Variants in CDH18 observed in about 807,000 individuals in gnomAD.
CDH18 encodes cadherin 18.
Under a neutral mutation model 67.9 loss-of-function variants are expected in CDH18, and 31 were observed. The observed-to-expected ratio is 0.46, with a 90% CI of 0.34 to 0.62. The LOEUF is 0.62. CDH18 is among the 20% of genes least tolerant of loss of function. The pLI is 0.01. For missense variants in CDH18, 890 were observed against 975.5 expected (o/e 0.91, Z 1.17); for synonymous variants, 362 against 347.2 (o/e 1.04, Z -0.48).
chr5:20,082,003 G>A (rs908701727), intron 2 of CDH18, among the ~76,000 whole-genome samples: 6 of 152,068 alleles, frequency 3.9e-5, no homozygotes, highest in Non-Finnish European at 7.4e-5. Context: ...TAAATCACTT[G>A]GTGATCTATA....
chr5:19,995,485 C>T lies in CDH18; in HGVS notation c.-517-3471G>A, dbSNP rs914209770. ...TTGGAAGACATAGAGTCAAGCCATA[C>T]GTTGACCACTCATATTAAATATAGA... On this transcript the variant is annotated intron_variant, in intron 2 of 14. Transcript: ENST00000507958. Among the ~76,000 whole-genome samples the T allele has an allele frequency of 4.0e-5, 6 of 151,560 alleles. No homozygotes were observed. In the East Asian group the frequency reaches 5.8e-4, roughly 15 times the overall value.
chr5:19,510,540 A>C (rs1744947971), intron 10 of CDH18, among the ~76,000 whole-genome samples: 1 of 152,214 alleles, frequency 6.6e-6, no homozygotes. Context: ...TAGTGTTTTA[A>C]AGTGCAAAAA....
chr5:19,907,290 C>T (rs1342143357), intron 2 of CDH18, among the ~76,000 whole-genome samples: 2 of 151,694 alleles, frequency 1.3e-5, no homozygotes, highest in African/African-American at 2.4e-5. Context: ...TTGAGTATCT[C>T]GTATTTACAA....
chr5:19,709,439 C>T (rs549328530), intron 5 of CDH18, among the ~76,000 whole-genome samples: 65 of 152,038 alleles, frequency 4.3e-4, no homozygotes, highest in African/African-American at 1.4e-3. Flanking sequence ...CAGTGGCAGA[C>T]GCCTGTAATC....
intron 3 of CDH18, among the ~76,000 whole-genome samples, chr5:19,804,549 C>T (rs957706410): frequency 2.6e-5 from 4 of 152,192 alleles, no homozygotes; most frequent in Non-Finnish European, 5.9e-5. Flanking sequence ...CCTGTGCCTA[C>T]ACCCTGTTCT....
At chr5:20,241,140 T>C (rs1034089802) in intron 2 of CDH18, among the ~76,000 whole-genome samples, 3 of 152,224 alleles carry the variant, frequency 2.0e-5, no homozygotes, top group African/African-American at 7.2e-5. Flanking sequence ...TATAAAAAAG[T>C]GTCTTATTTA....
chr5:20,309,655 T>A (rs773312479), intron 1 of CDH18, among the ~76,000 whole-genome samples: 4 of 152,180 alleles, frequency 2.6e-5, no homozygotes, highest in Non-Finnish European at 4.4e-5. Flanking sequence ...ATAATGGACA[T>A]GTGACAGATT....
At chr5:19,905,206 G>A (rs1790401755) in intron 2 of CDH18, among the ~76,000 whole-genome samples, 1 of 152,060 alleles carries the variant, frequency 6.6e-6, no homozygotes, top group African/African-American at 2.4e-5. Context: ...GATAAATAAT[G>A]GCCAAGTTCT....
intron 1 of CDH18, among the ~76,000 whole-genome samples, chr5:20,553,981 A>G (rs1176322132): frequency 2.0e-5 from 3 of 152,202 alleles, no homozygotes; most frequent in Non-Finnish European, 2.9e-5. Context: ...CTTACATACC[A>G]GTCACCATGT....
At chr5:19,496,441 T>C (rs1014800918) in intron 11 of CDH18, among the ~76,000 whole-genome samples, 1 of 152,166 alleles carries the variant, frequency 6.6e-6, no homozygotes, top group South Asian at 2.1e-4. Flanking sequence ...GACACAATAA[T>C]GTTGGGAGGT....
chr5:20,422,938 C>T (rs1009521022), intron 1 of CDH18, among the ~76,000 whole-genome samples: 2 of 151,120 alleles, frequency 1.3e-5, no homozygotes, highest in African/African-American at 2.5e-5. Context: ...TTCAAAGTTA[C>T]TACATGGCAC....
intron 2 of CDH18, among the ~76,000 whole-genome samples, chr5:20,024,097 A>G (rs1175477383): frequency 1.3e-5 from 2 of 152,238 alleles, no homozygotes; most frequent in Non-Finnish European, 2.9e-5. Context: ...CAAACAAAGT[A>G]TTTTTAAAAG....
At chr5:19,493,179 C>T (rs1741747303) in intron 11 of CDH18, among the ~76,000 whole-genome samples, 1 of 152,184 alleles carries the variant, frequency 6.6e-6, no homozygotes, top group Non-Finnish European at 1.5e-5. Context: ...GTAGTGATCT[C>T]TCTAAAGTAG....
chr5:20,300,426 T>C (rs1366006208), intron 1 of CDH18, among the ~76,000 whole-genome samples: 1 of 152,040 alleles, frequency 6.6e-6, no homozygotes, highest in East Asian at 1.9e-4. Context: ...GGATGTACTT[T>C]TTTTTCTAGC....
intron 5 of CDH18, among the ~76,000 whole-genome samples, chr5:19,668,559 A>G (rs1439287808): frequency 6.6e-6 from 1 of 152,150 alleles, no homozygotes; most frequent in African/African-American, 2.4e-5. Context: ...TCAGTATCAT[A>G]TAAAATAATA....
chr5:20,219,112 A>G (rs1741013416), intron 2 of CDH18, among the ~76,000 whole-genome samples: 1 of 152,016 alleles, frequency 6.6e-6, no homozygotes, highest in South Asian at 2.1e-4. Context: ...AGCCTAAGAA[A>G]AAAAGAGAGA....
At chr5:20,242,329 T>C (rs76834877) in intron 2 of CDH18, among the ~76,000 whole-genome samples, 1 of 151,890 alleles carries the variant, frequency 6.6e-6, no homozygotes, top group East Asian at 1.9e-4. Flanking sequence ...TTTTGAAATA[T>C]ACAATGCATT....
chr5:19,722,611 T>C (rs1766257117), intron 4 of CDH18, among the ~76,000 whole-genome samples: 1 of 151,640 alleles, frequency 6.6e-6, no homozygotes, highest in African/African-American at 2.4e-5. Flanking sequence ...AAGTATAACA[T>C]GACAACCATA....
At chr5:20,059,037 T>A (rs1204634679) in intron 2 of CDH18, among the ~76,000 whole-genome samples, 1 of 152,198 alleles carries the variant, frequency 6.6e-6, no homozygotes, top group East Asian at 1.9e-4. Flanking sequence ...GGAATTTGAC[T>A]TCTTCCTGGT....
Sources: gnomAD v4.1 joint callset for allele counts (sites outside exome capture counted in the v4.1 genomes callset) on GRCh38, gnomAD v4.1.1 for gene constraint, MANE v1.5 for transcripts, NCBI Gene and HGNC (gene_info 2026-07-23, HGNC 2026-07-21) for gene names.